Variants in RIMKLA observed in about 807,000 individuals in gnomAD.
RIMKLA encodes the protein ribosomal modification protein rimK like family member A.
RIMKLA carries 14 observed loss-of-function variants against 32.7 expected under a neutral mutation model. The observed-to-expected ratio is 0.43, with a 90% CI of 0.28 to 0.67. The LOEUF (loss-of-function observed/expected upper bound fraction) is 0.67. RIMKLA is among the 30% of genes least tolerant of loss of function. The pLI is 0.18. For synonymous variants in RIMKLA, 176 were observed against 204.1 expected (o/e 0.86, Z 1.18); for missense variants, 410 against 519.0 (o/e 0.79, Z 2.04).
In RIMKLA at chr1:42,417,648, T is replaced by C. The variant is rs1643260673; in HGVS notation, c.*2674T>C. ...TCCCACATCTGATTTTATAACAGTT[T>C]CCCATCACTCCTTAAAGAAAAAGGC... is the stretch of plus-strand genomic sequence containing the variant. On this transcript the variant is annotated 3_prime_UTR_variant, in exon 5 of 5. Transcript: ENST00000431473. The C allele has an allele frequency of 6.6e-6, 1 of 152,170 alleles. No homozygotes were observed. The highest frequency in any genetic ancestry group is 6.5e-5 in the Admixed American group (1 of 15,278). 9.4% of individuals were successfully genotyped at this position (152,170 alleles called of 1,614,324 possible). A position where few individuals can be genotyped will look rare whatever the true frequency, so the allele number is the denominator to read the frequency against.
chr1:42,386,453 C>T (rs1236554479), intron 1 of RIMKLA, among the ~76,000 whole-genome samples: 1 of 151,992 alleles, frequency 6.6e-6, no homozygotes, highest in Non-Finnish European at 1.5e-5. Flanking sequence ...GGCCACTTTA[C>T]CCATTGTCCC....
In RIMKLA at chr1:42,414,762, G is replaced by A. The variant is rs2148396990; in HGVS notation, c.964G>A (p.Glu322Lys). The A allele has an allele frequency of 6.2e-7, 1 of 1,614,174 alleles. No individual in the cohort carries two copies. ...AVLPGLSSPR[E>K]KNEPDGCASA... ...CCTCCCAGGACTGTCGAGTCCAAGGGAGAAGAACGAGCCGGATGGCTGTGC... is the reference window on the plus strand; with the variant it reads ...CCTCCCAGGACTGTCGAGTCCAAGGAAGAAGAACGAGCCGGATGGCTGTGC... Residue 322 changes from glutamate (E) to lysine (K), a missense_variant, in exon 5 of 5, where the codon GAG becomes AAG. Glu to Lys is a moderately conservative substitution (Grantham distance 56). Transcript: ENST00000431473.
Position 42,380,945 on chromosome 1 carries a change from A to G in RIMKLA, c.11A>G (p.Gln4Arg), listed in dbSNP as rs764219791. 4.2e-6 allele frequency: 6 copies of G among 1,437,608 alleles called. No homozygotes were observed. The South Asian group carries it at 8.2e-5, about 20-fold the overall frequency. The allele number at this position is 1,437,608 out of a possible 1,614,324, so 89.1% of individuals were successfully genotyped here. Reference protein sequence around the residue: MCSQLWFLTDRRIR... With the variant: MCSRLWFLTDRRIR... The stretch of plus-strand genomic sequence containing the variant: ...ACCGCCCTGGCCGCCATGTGCTCCC[A>G]GCTCTGGTTCCTGACGGACCGGCGC... The change falls in exon 1 of 5, where the codon CAG (glutamine) becomes CGG (arginine). Residue 4 changes from glutamine (Q) to arginine (R), a missense_variant. Transcript: ENST00000431473.
chr1:42,392,338 G>C (rs12745989), intron 1 of RIMKLA, among the ~76,000 whole-genome samples: 1 of 151,658 alleles, frequency 6.6e-6, no homozygotes, highest in African/African-American at 2.4e-5. Flanking sequence ...ACAAGACCCA[G>C]GTGCTCTACA....
chr1:42,383,037 A>AT lies in RIMKLA; in HGVS notation c.163+1943dup, dbSNP rs199814157. 9.8e-3 allele frequency among the ~76,000 whole-genome samples: 1,329 copies of AT among 136,300 alleles called. 28 individuals are homozygous for AT. The highest frequency in any genetic ancestry group is 0.033 in the African/African-American group (1,230 of 37,612). 89.4% of individuals were successfully genotyped at this position (136,300 alleles called of 152,430 possible). A position where few individuals can be genotyped will look rare whatever the true frequency, so the allele number is the denominator to read the frequency against. On this transcript the variant is annotated intron_variant, in intron 1 of 4. Transcript: ENST00000431473. ...TACTTTTTTTTTTAATTTTTATTTTATTTATTTATTTATTTATTTATTTAT... is the reference window on the plus strand; with the variant it reads ...TACTTTTTTTTTTAATTTTTATTTTATTTTATTTATTTATTTATTTATTTAT...
intron 1 of RIMKLA, among the ~76,000 whole-genome samples, chr1:42,386,880 C>CAAACAAAT (rs1642953241): frequency 8.3e-6 from 1 of 121,118 alleles, no homozygotes; most frequent in Non-Finnish European, 1.7e-5. Flanking sequence ...GACTCCATCT[C>CAAACAAAT]AAATAAATAA....
rs1643304264 is a variant in RIMKLA at position 42,422,585 on chromosome 1, G to A, written c.*7611G>A. ...TAAAATTATTACTATGGAACAGAAT[G>A]CTTTGTTTGCCTTTGTCTCCAAAAT... is the stretch of plus-strand genomic sequence containing the variant. On this transcript the variant is annotated 3_prime_UTR_variant, in exon 5 of 5. Coordinates refer to ENST00000431473, the MANE Select transcript of RIMKLA (RefSeq NM_173642.4). The A allele has an allele frequency of 6.6e-6, 1 of 152,150 alleles. No individual in the cohort carries two copies. Among genetic ancestry groups the A allele is most frequent in the Admixed American group, 6.5e-5 (1 of 15,282 alleles). The allele number at this position is 152,150 out of a possible 1,614,324, so 9.4% of individuals were successfully genotyped here. A position where few individuals can be genotyped will look rare whatever the true frequency, so the allele number is the denominator to read the frequency against.
chr1:42,395,450 AT>A (rs1643035333), intron 1 of RIMKLA, among the ~76,000 whole-genome samples: 1 of 151,928 alleles, frequency 6.6e-6, no homozygotes, highest in African/African-American at 2.4e-5. Flanking sequence ...TCCAGAAACA[AT>A]TCAGCTGCCT....
rs182219160 is a variant in RIMKLA, at chr1:42,392,964, C to T, written c.164-6440C>T. 2.2e-4 allele frequency among the ~76,000 whole-genome samples: 33 copies of T among 152,274 alleles called. No homozygotes were observed. The East Asian group carries it at 5.6e-3, about 26-fold the overall frequency. On this transcript the variant is annotated intron_variant, in intron 1 of 4. Transcript: ENST00000431473. The stretch of plus-strand genomic sequence containing the variant: ...CCGAGATCGCGCCATTGCACTCCAG[C>T]CTGGATGACAGAGCAAGACCCTGTC...
At chr1:42,403,046 T>G (rs1183187893) in intron 2 of RIMKLA, among the ~76,000 whole-genome samples, 1 of 152,202 alleles carries the variant, frequency 6.6e-6, no homozygotes, top group Non-Finnish European at 1.5e-5. Context: ...ACAAAACACA[T>G]GTATTTAGCA....
chr1:42,409,763 T>C (rs1356353632), intron 3 of RIMKLA, among the ~76,000 whole-genome samples: 5 of 151,896 alleles, frequency 3.3e-5, no homozygotes, highest in African/African-American at 9.7e-5. Context: ...TCAAAAAGAG[T>C]GATGGTGGAG....
intron 2 of RIMKLA, among the ~76,000 whole-genome samples, chr1:42,400,870 G>T (rs1643090989): frequency 6.6e-6 from 1 of 152,158 alleles, no homozygotes; most frequent in South Asian, 2.1e-4. Context: ...GAGTACTCAG[G>T]GAGAGTGTAT....
rs982982735 is a variant in RIMKLA, at chr1:42,380,988, G to T, written c.54G>T (p.Pro18=). The T allele has an allele frequency of 6.9e-7, 1 of 1,450,880 alleles. No individual in the cohort carries two copies. Among genetic ancestry groups the T allele is most frequent in the Non-Finnish European group, 9.1e-7 (1 of 1,101,464 alleles). 89.9% of individuals were successfully genotyped at this position (1,450,880 alleles called of 1,614,324 possible). A position where few individuals can be genotyped will look rare whatever the true frequency, so the allele number is the denominator to read the frequency against. The change falls in exon 1 of 5, where the codon CCG becomes CCT. Residue 18 remains proline, a synonymous_variant. Coordinates refer to ENST00000431473, the MANE Select transcript of RIMKLA (RefSeq NM_173642.4). ...LTDRRIREDY[P]QVQILRALRQ... is the part of the protein sequence containing the mutation. ...ACCGGCGCATCCGCGAGGACTACCC[G>T]CAGGTGCAGATCCTGCGCGCCCTCC...
At chr1:42,385,768 T>TTTC (rs1642932718) in intron 1 of RIMKLA, among the ~76,000 whole-genome samples, 1 of 100,450 alleles carries the variant, frequency 1.0e-5, no homozygotes, top group African/African-American at 5.4e-5. Flanking sequence ...TCTTTCTTTC[T>TTTC]TTGTTTCTTT....
rs1270533788 is a variant in RIMKLA at position 42,420,017 on chromosome 1, T to C, written c.*5043T>C. ...AACAAGGTCAAAAGTTTCCCCCCAC[T>C]TTCTGTTCCACAGTGCGTTCCCCTT... On this transcript the variant is annotated 3_prime_UTR_variant, in exon 5 of 5. Coordinates refer to ENST00000431473, the MANE Select transcript of RIMKLA (RefSeq NM_173642.4). 1 of 152,288 alleles carries C rather than the reference T, an allele frequency of 6.6e-6. No individual in the cohort carries two copies. The highest frequency in any genetic ancestry group is 2.4e-5 in the African/African-American group (1 of 41,462). The allele number at this position is 152,288 out of a possible 1,614,324, so 9.4% of individuals were successfully genotyped here. A position where few individuals can be genotyped will look rare whatever the true frequency, so the allele number is the denominator to read the frequency against.
intron 2 of RIMKLA, among the ~76,000 whole-genome samples, chr1:42,401,077 G>A (rs1327650763): frequency 6.6e-6 from 1 of 152,050 alleles, no homozygotes; most frequent in Non-Finnish European, 1.5e-5. Context: ...ATGGTTTCAG[G>A]ACGAAACTGT....
chr1:42,405,356 T>C (rs1279249783), intron 3 of RIMKLA, among the ~76,000 whole-genome samples: 1 of 152,234 alleles, frequency 6.6e-6, no homozygotes, highest in Non-Finnish European at 1.5e-5. Flanking sequence ...TGCGAGCTGC[T>C]CATTGGTGGG....
At chr1:42,405,710 G>A (rs142524288) in intron 3 of RIMKLA, among the ~76,000 whole-genome samples, 33 of 152,332 alleles carry the variant, frequency 2.2e-4, no homozygotes, top group African/African-American at 7.9e-4. Flanking sequence ...GCTCAAATGT[G>A]TAGACACAGT....
Position 42,412,072 on chromosome 1 carries a change from G to A in RIMKLA, c.685+1885G>A, listed in dbSNP as rs564482737. Among the ~76,000 whole-genome samples, 232 of 152,142 alleles carry A rather than the reference G, an allele frequency of 1.5e-3. 1 individual carries two copies. The highest frequency in any genetic ancestry group is 5.3e-3 in the African/African-American group (222 of 41,520). ...ACAAAATCCATTCATTAGTAACCAC[G>A]TGGCTTTATAATTTATCCATGTTGC... On this transcript the variant is annotated intron_variant, in intron 4 of 4. Transcript: ENST00000431473.
Sources: allele counts gnomAD v4.1 joint callset (sites outside exome capture counted in the v4.1 genomes callset), GRCh38; gene constraint gnomAD v4.1.1; transcripts MANE v1.5; gene names NCBI Gene and HGNC (gene_info 2026-07-23, HGNC 2026-07-21).